Variants in ACACA observed in about 807,000 individuals in gnomAD.
ACACA encodes the protein acetyl-CoA carboxylase alpha.
In ACACA, 103 loss-of-function variants were observed where a neutral mutation model predicts 296.1. That is an observed-to-expected ratio of 0.35 (90% confidence interval 0.30 to 0.41). ACACA has a LOEUF of 0.41. ACACA is among the 10% of genes least tolerant of loss of function. The probability of loss-of-function intolerance (pLI) is 1.00; values close to 1 mark genes in which losing one functional copy is unlikely to be tolerated. For synonymous variants in ACACA, 953 were observed against 1,038.6 expected, an observed-to-expected ratio of 0.92 and a Z score of 1.58; for missense variants, 1,554 against 2,989.7, an observed-to-expected ratio of 0.52 and a Z score of 11.20.
chr17:37,181,408 G>A (rs754310572), intron 39 of ACACA, 52 bp from the exon 40 acceptor site: 9 of 1,602,900 alleles, frequency 5.6e-6, no homozygotes, highest in Non-Finnish European at 7.7e-6. Flanking sequence ...AAAAATCAGA[G>A]AGCTGCCTAG....
chr17:37,200,309 A>T (rs1339056531), intron 34 of ACACA, 118 bp downstream of exon 34: 3 of 1,360,356 alleles, frequency 2.2e-6, no homozygotes, highest in Non-Finnish European at 3.1e-6. Flanking sequence ...AACTTACAGA[A>T]AAGTGGTTAT....
chr17:37,316,592 T>G (rs1208873818), intron 3 of ACACA, among the ~76,000 whole-genome samples: 1 of 152,148 alleles, frequency 6.6e-6, no homozygotes, highest in African/African-American at 2.4e-5. Context: ...CGTACACTGT[T>G]GGTAGGAATA....
At chr17:37,207,565 G>A (rs957380359) in intron 31 of ACACA, 92 bp downstream of exon 31, 69 of 1,489,728 alleles carry the variant, frequency 4.6e-5, no homozygotes, top group Non-Finnish European at 6.1e-5. Context: ...TGGCTATTCG[G>A]GAGACCTTTA....
At chr17:37,312,181 A>G (rs930956633) in intron 3 of ACACA, among the ~76,000 whole-genome samples, 1 of 152,164 alleles carries the variant, frequency 6.6e-6, no homozygotes, top group African/African-American at 2.4e-5. Flanking sequence ...ACAAAGAGAG[A>G]CACAGGAAAA....
At chr17:37,274,553 C>T (rs570395634) in intron 8 of ACACA, 15 of 908,858 alleles carry the variant, frequency 1.7e-5, no homozygotes, top group African/African-American at 1.1e-4. Flanking sequence ...AATGCAAAGA[C>T]GTACAAGATC....
chr17:37,126,967 G>T (rs2074819217), intron 47 of ACACA, among the ~76,000 whole-genome samples: 1 of 152,192 alleles, frequency 6.6e-6, no homozygotes, highest in East Asian at 1.9e-4. Context: ...GGAATCATCT[G>T]CTTTCTTTAA....
At chr17:37,165,545 T>C (rs1230234602) in intron 41 of ACACA, among the ~76,000 whole-genome samples, 1 of 152,162 alleles carries the variant, frequency 6.6e-6, no homozygotes. Flanking sequence ...CTCTCTCCTC[T>C]CCTCTCACTC....
At chr17:37,346,618 C>T (rs1029730315) in intron 1 of ACACA, among the ~76,000 whole-genome samples, 15 of 147,974 alleles carry the variant, frequency 1.0e-4, no homozygotes, top group Non-Finnish European at 1.6e-4. Context: ...AGGAGAATGG[C>T]GTGAACCTGA....
At chr17:37,168,857 G>A (rs1375764633) in intron 41 of ACACA, among the ~76,000 whole-genome samples, 1 of 152,062 alleles carries the variant, frequency 6.6e-6, no homozygotes, top group Non-Finnish European at 1.5e-5. Flanking sequence ...CTGGTCTGAT[G>A]GTTAAATACA....
In ACACA at chr17:37,174,020, A is replaced by ATTTT. The variant is rs71159693; in HGVS notation, c.5079+5236_5079+5239dup. Among the ~76,000 whole-genome samples the ATTTT allele has an allele frequency of 1.7e-3, 28 of 16,788 alleles. 3 individuals carry two copies. The highest frequency in any genetic ancestry group is 2.3e-3 in the African/African-American group (9 of 3,910). The allele number at this position is 16,788 out of a possible 152,430, so 11.0% of individuals were successfully genotyped here. A position where few individuals can be genotyped will look rare whatever the true frequency, so the allele number is the denominator to read the frequency against. On this transcript the variant is annotated intron_variant, in intron 41 of 55. Transcript: ENST00000616317. ...TATATATATATATATATATATATAT[A>ATTTT]TTTTTTTTTTTTTTTTTTTTTGTAG... is the stretch of plus-strand genomic sequence containing the variant.
At chr17:37,289,859 T>C (rs1184936166) in intron 3 of ACACA, among the ~76,000 whole-genome samples, 1 of 152,170 alleles carries the variant, frequency 6.6e-6, no homozygotes, top group Non-Finnish European at 1.5e-5. Flanking sequence ...CACCAGAACA[T>C]GCACTTACAT....
intron 4 of ACACA, 97 bp from the exon 5 acceptor site, chr17:37,283,502 G>A: frequency 1.4e-6 from 2 of 1,428,564 alleles, no homozygotes; most frequent in Non-Finnish European, 1.9e-6. Context: ...CTATCTTTCT[G>A]TGTAAAAGTC....
At chr17:37,145,130 G>C (rs2075759362) in intron 45 of ACACA, among the ~76,000 whole-genome samples, 1 of 152,132 alleles carries the variant, frequency 6.6e-6, no homozygotes, top group Non-Finnish European at 1.5e-5. Context: ...CTTTTACCAG[G>C]AAAGGGAGAA....
intron 45 of ACACA, 28 bp from the exon 46 acceptor site, chr17:37,130,246 T>C (rs1343335229): frequency 1.2e-6 from 2 of 1,613,274 alleles, no homozygotes; most frequent in African/African-American, 2.7e-5. Context: ...AGAAAAGACA[T>C]TTGTCTCTAT....
At chr17:37,134,859 T>C (rs1312712019) in intron 45 of ACACA, among the ~76,000 whole-genome samples, 1 of 152,208 alleles carries the variant, frequency 6.6e-6, no homozygotes, top group Non-Finnish European at 1.5e-5. Flanking sequence ...TCATCCATGA[T>C]TCTAGATATT....
At chr17:37,116,896 T>C (rs543988293) in intron 50 of ACACA, among the ~76,000 whole-genome samples, 3 of 152,350 alleles carry the variant, frequency 2.0e-5, no homozygotes, top group South Asian at 2.1e-4. Flanking sequence ...TTTAAAGCTA[T>C]GCACGTGCTG....
At chr17:37,336,353 GA>G (rs528094650) in intron 2 of ACACA, among the ~76,000 whole-genome samples, 78 of 152,252 alleles carry the variant, frequency 5.1e-4, no homozygotes, top group African/African-American at 1.9e-3. Context: ...TGAGAGGGGG[GA>G]CTGAGAGACA....
chr17:37,118,258 A>G (rs1342156849), intron 50 of ACACA, among the ~76,000 whole-genome samples: 2 of 152,194 alleles, frequency 1.3e-5, no homozygotes, highest in African/African-American at 4.8e-5. Flanking sequence ...CAAGGGCAGC[A>G]GGGAGAAAGG....
chr17:37,308,722 GAGGTC>G (rs1218419472), intron 3 of ACACA, among the ~76,000 whole-genome samples: 8 of 152,130 alleles, frequency 5.3e-5, no homozygotes, highest in Admixed American at 5.2e-4. Flanking sequence ...TGGATCATTT[GAGGTC>G]AGGAGTTTGA....
Sources: allele counts gnomAD v4.1 joint callset (sites outside exome capture counted in the v4.1 genomes callset), GRCh38; gene constraint gnomAD v4.1.1; transcripts MANE v1.5; gene names NCBI Gene and HGNC (gene_info 2026-07-23, HGNC 2026-07-21).